The following AGBL1 variants were observed in gnomAD, a reference collection of about 807,000 sequenced individuals.
The protein encoded by AGBL1 is cytosolic carboxypeptidase 4.
In AGBL1, 130 loss-of-function variants were observed where a neutral mutation model predicts 118.9. The ratio of observed to expected loss-of-function variants is 1.09; its 90% CI spans 0.95 to 1.26. The LOEUF (loss-of-function observed/expected upper bound fraction) is 1.26. Among genes scored for constraint, AGBL1 ranks in the 50% most tolerant of loss-of-function variants. The pLI is 0.00. For missense variants in AGBL1, 1,584 were observed against 1,298.1 expected (o/e 1.22, Z -3.38); for synonymous variants, 555 against 478.9 (o/e 1.16, Z -2.08).
At chr15:86,917,573 T>C (rs369717158), downstream of AGBL1, among the ~76,000 whole-genome samples, 29 of 152,282 alleles carry the variant, frequency 1.9e-4, no homozygotes, top group African/African-American at 6.5e-4. This position sits in a 1 kb window ranked among gnomAD's most constrained non-coding sequence, Gnocchi z 4.8. Flanking sequence ...AGTAAACATA[T>C]GCGGATCACC....
At chr15:86,318,650 T>A in intron 17 of AGBL1, among the ~76,000 whole-genome samples, 1 of 150,950 alleles carries the variant, frequency 6.6e-6, no homozygotes, top group African/African-American at 2.4e-5. Context: ...CAAAGGGGAG[T>A]TATGGGAGGG....
chr15:86,097,492 C>A (rs964370590), intron 1 of AGBL1, among the ~76,000 whole-genome samples: 4 of 151,934 alleles, frequency 2.6e-5, no homozygotes, highest in Non-Finnish European at 4.4e-5. Flanking sequence ...CCCTTCCCAG[C>A]CTCTGATAAT....
chr15:86,947,916 C>G, intron 23 of AGBL1, among the ~76,000 whole-genome samples: 1 of 152,198 alleles, frequency 6.6e-6, no homozygotes, highest in Middle Eastern at 3.4e-3. Context: ...CTGGTGATAA[C>G]GGACATTAGG....
chr15:86,671,433 G>T (rs2085744731), intron 21 of AGBL1, among the ~76,000 whole-genome samples: 2 of 152,104 alleles, frequency 1.3e-5, no homozygotes, highest in Admixed American at 1.3e-4. Context: ...ACTGTCTGTG[G>T]AAAAAATTTC....
intron 18 of AGBL1, among the ~76,000 whole-genome samples, chr15:86,517,012 A>G (rs1001762623): frequency 3.9e-5 from 6 of 152,188 alleles, no homozygotes; most frequent in African/African-American, 1.4e-4. Context: ...AAAATAACTT[A>G]GAAATGAAAA....
intron 24 of AGBL1, among the ~76,000 whole-genome samples, chr15:86,996,382 C>G (rs1463153642): frequency 3.3e-5 from 5 of 152,162 alleles, no homozygotes; most frequent in South Asian, 2.1e-4. Context: ...TTAAACTTGC[C>G]TGTTTTGCAC....
At chr15:86,805,198 T>C (rs1318808766) in intron 22 of AGBL1, among the ~76,000 whole-genome samples, 1 of 152,096 alleles carries the variant, frequency 6.6e-6, no homozygotes, top group African/African-American at 2.4e-5. Context: ...TTTTTCTTTT[T>C]TTTTTTCCTA....
intron 5 of AGBL1, among the ~76,000 whole-genome samples, chr15:86,212,616 TC>T (rs1220618673): frequency 6.6e-6 from 1 of 152,222 alleles, no homozygotes; most frequent in East Asian, 1.9e-4. Context: ...TGGTACTAAA[TC>T]CCATCCTTTA....
At chr15:86,552,274 A>C (rs1420586396) in intron 20 of AGBL1, among the ~76,000 whole-genome samples, 1 of 152,160 alleles carries the variant, frequency 6.6e-6, no homozygotes, top group African/African-American at 2.4e-5. Context: ...CTTCCTTCTC[A>C]GTTTCGCTGT....
At chr15:86,746,790 C>G (rs150507515) in intron 22 of AGBL1, among the ~76,000 whole-genome samples, 2 of 152,078 alleles carry the variant, frequency 1.3e-5, no homozygotes, top group East Asian at 3.9e-4. Flanking sequence ...AGACTTCAGT[C>G]TATTGGCCGA....
intron 22 of AGBL1, among the ~76,000 whole-genome samples, chr15:86,873,543 G>C (rs2079759470): frequency 6.6e-6 from 1 of 152,162 alleles, no homozygotes; most frequent in East Asian, 1.9e-4. Context: ...GTATGGAGAG[G>C]TAGAACCTTT....
chr15:86,127,901 G>T (rs1012173448), intron 1 of AGBL1, among the ~76,000 whole-genome samples: 1 of 152,156 alleles, frequency 6.6e-6, no homozygotes, highest in Non-Finnish European at 1.5e-5. Flanking sequence ...GAGTAACTGG[G>T]TTATTGAATA....
intron 21 of AGBL1, among the ~76,000 whole-genome samples, chr15:86,632,840 A>G (rs547282200): frequency 1.2e-4 from 19 of 152,094 alleles, no homozygotes; most frequent in Non-Finnish European, 2.4e-4. Flanking sequence ...GGTTTTGCTA[A>G]TACTACTGCC....
At chr15:86,303,568 A>G (rs1187502436) in intron 17 of AGBL1, among the ~76,000 whole-genome samples, 1 of 152,212 alleles carries the variant, frequency 6.6e-6, no homozygotes, top group African/African-American at 2.4e-5. Context: ...CAGAGGCCTA[A>G]AAATTATTTA....
chr15:86,251,326 C>T (rs2078812359), intron 7 of AGBL1, among the ~76,000 whole-genome samples: 2 of 152,148 alleles, frequency 1.3e-5, no homozygotes, highest in Admixed American at 1.3e-4. Flanking sequence ...TCAGAGTCAC[C>T]TGGAGGGGTC....
At chr15:86,407,211 G>A (rs1038801906) in intron 18 of AGBL1, among the ~76,000 whole-genome samples, 19 of 152,114 alleles carry the variant, frequency 1.2e-4, no homozygotes, top group African/African-American at 4.6e-4. Context: ...AAAGTAAACT[G>A]TTTAATTTCA....
intron 22 of AGBL1, among the ~76,000 whole-genome samples, chr15:86,734,576 A>T (rs2077567427): frequency 6.6e-6 from 1 of 152,178 alleles, no homozygotes; most frequent in Non-Finnish European, 1.5e-5. Context: ...TACATCCTTC[A>T]TGCTGGTTCT....
chr15:86,096,649 T>C (rs1279734635), intron 1 of AGBL1, among the ~76,000 whole-genome samples: 1 of 152,218 alleles, frequency 6.6e-6, no homozygotes, highest in Non-Finnish European at 1.5e-5. Flanking sequence ...ATTAAGTTTG[T>C]TGGCTGAGGT....
At chr15:86,691,311 G>A (rs747735355) in intron 22 of AGBL1, among the ~76,000 whole-genome samples, 4 of 152,162 alleles carry the variant, frequency 2.6e-5, no homozygotes, top group Non-Finnish European at 5.9e-5. Context: ...TGTAAGCACT[G>A]AGAGCTTGGA....
Sources: gnomAD v4.1 joint callset for allele counts (sites outside exome capture counted in the v4.1 genomes callset) on GRCh38, gnomAD v4.1.1 for gene constraint, Gnocchi (gnomAD v3.1) non-coding constraint, MANE v1.5 for transcripts, NCBI Gene and HGNC (gene_info 2026-07-23, HGNC 2026-07-21) for gene names.